Variants in CNTN4 observed in about 807,000 individuals in gnomAD.
The protein encoded by CNTN4 is contactin-4.
Under a neutral mutation model 122.5 loss-of-function variants are expected in CNTN4, and 77 were observed. The ratio of observed to expected loss-of-function variants is 0.63; its 90% CI spans 0.52 to 0.76. The LOEUF (loss-of-function observed/expected upper bound fraction) is 0.76. Among genes scored for constraint, CNTN4 ranks in the 30% least tolerant of loss-of-function variants. The pLI is 0.00. For missense variants in CNTN4, 1,256 were observed against 1,259.1 expected (o/e 1.00, Z 0.04); for synonymous variants, 512 against 447.0 (o/e 1.15, Z -1.83).
Position 3,042,402 on chromosome 3 carries a change from G to C in CNTN4, c.2491G>C (p.Gly831Arg), listed in dbSNP as rs1204433018. ...GGCCTCCCCACTGGAGAAGAATAGA[G>C]GACGAATACAAGGTTATGAGGTAGG... The part of the protein sequence containing the change: ...FWASPLEKNR[G>R]RIQGYEVKYW... Residue 831 changes from glycine to arginine, a missense_variant, in exon 21 of 25, where the codon GGA (glycine) becomes CGA (arginine). By Grantham distance (125) the Gly-to-Arg change is moderately radical. Coordinates refer to ENST00000418658, the MANE Select transcript of CNTN4 (RefSeq NM_175607.3). 1 of 1,612,220 alleles carries C rather than the reference G, an allele frequency of 6.2e-7. No individual in the cohort carries two copies. The highest frequency in any genetic ancestry group is 1.7e-5 in the Admixed American group (1 of 59,992).
chr3:2,425,270 G>C (rs996099671), intron 3 of CNTN4, among the ~76,000 whole-genome samples: 31 of 152,268 alleles, frequency 2.0e-4, no homozygotes, highest in African/African-American at 7.0e-4. Flanking sequence ...AAGGGATCCA[G>C]TTTCAGCTTT....
At chr3:2,343,955 A>G (rs1362442213) in intron 3 of CNTN4, among the ~76,000 whole-genome samples, 1 of 152,152 alleles carries the variant, frequency 6.6e-6, no homozygotes, top group Non-Finnish European at 1.5e-5. Context: ...GCATGCCACA[A>G]GGTCAGAGAG....
intron 2 of CNTN4, among the ~76,000 whole-genome samples, chr3:2,281,435 G>C (rs1414001980): frequency 6.6e-6 from 1 of 152,000 alleles, no homozygotes; most frequent in Non-Finnish European, 1.5e-5. Context: ...ATCTTCTGGA[G>C]CTAAGCACTG....
chr3:2,654,575 A>G (rs950460623), intron 4 of CNTN4, among the ~76,000 whole-genome samples: 2 of 152,184 alleles, frequency 1.3e-5, no homozygotes, highest in African/African-American at 4.8e-5. Context: ...AAATGGTGTT[A>G]TTCTTTCTCA....
intron 3 of CNTN4, among the ~76,000 whole-genome samples, chr3:2,495,277 C>T (rs115360018): frequency 2.1e-3 from 318 of 152,290 alleles, no homozygotes; most frequent in African/African-American, 7.2e-3. Context: ...TTCTAATTTC[C>T]CATAATACTT....
intron 2 of CNTN4, among the ~76,000 whole-genome samples, chr3:2,170,202 C>A (rs927101376): frequency 5.9e-5 from 9 of 151,366 alleles, no homozygotes; most frequent in Admixed American, 1.3e-4. Flanking sequence ...CGCCTGTAGT[C>A]CCAGCTACTC....
At chr3:2,160,061 T>G (rs1252641979) in intron 2 of CNTN4, among the ~76,000 whole-genome samples, 2 of 152,170 alleles carry the variant, frequency 1.3e-5, no homozygotes, top group African/African-American at 4.8e-5. Flanking sequence ...TGAGAGATAA[T>G]AGTCTAGTTA....
At chr3:2,821,467 A>G (rs1434434648) in intron 7 of CNTN4, among the ~76,000 whole-genome samples, 1 of 152,234 alleles carries the variant, frequency 6.6e-6, no homozygotes, top group Non-Finnish European at 1.5e-5. Flanking sequence ...GTCCATTTCA[A>G]TTTACCTTTA....
At chr3:2,532,560 A>G (rs2149242678) in intron 3 of CNTN4, among the ~76,000 whole-genome samples, 1 of 152,314 alleles carries the variant, frequency 6.6e-6, no homozygotes, top group Non-Finnish European at 1.5e-5. Context: ...TAACGAAGGA[A>G]ATATAGTTCT....
At chr3:2,782,532 A>G (rs1224145925) in intron 6 of CNTN4, among the ~76,000 whole-genome samples, 1 of 147,136 alleles carries the variant, frequency 6.8e-6, no homozygotes, top group African/African-American at 2.5e-5. Context: ...TGGGAAGGAA[A>G]CCACAGTTTC....
At chr3:2,426,989 C>T (rs1172472327) in intron 3 of CNTN4, among the ~76,000 whole-genome samples, 4 of 152,214 alleles carry the variant, frequency 2.6e-5, no homozygotes, top group African/African-American at 9.6e-5. Flanking sequence ...TGCTAGCGGT[C>T]TATCACTTCT....
At chr3:2,386,388 T>A (rs2046258919) in intron 3 of CNTN4, among the ~76,000 whole-genome samples, 1 of 152,190 alleles carries the variant, frequency 6.6e-6, no homozygotes, top group African/African-American at 2.4e-5. Flanking sequence ...TTTACTGTAA[T>A]CACTTCAGAC....
chr3:2,296,434 A>G (rs1488152664), intron 2 of CNTN4, among the ~76,000 whole-genome samples: 1 of 152,040 alleles, frequency 6.6e-6, no homozygotes, highest in Non-Finnish European at 1.5e-5. Flanking sequence ...ATTCTCTTTG[A>G]AGCAATTTAA....
At chr3:2,288,963 C>G (rs369181464) in intron 2 of CNTN4, among the ~76,000 whole-genome samples, 1 of 151,862 alleles carries the variant, frequency 6.6e-6, no homozygotes, top group Non-Finnish European at 1.5e-5. Flanking sequence ...AGATAGGTAG[C>G]GAAATTCAAG....
At chr3:2,533,648 C>T (rs896039759) in intron 3 of CNTN4, among the ~76,000 whole-genome samples, 4 of 152,122 alleles carry the variant, frequency 2.6e-5, no homozygotes, top group Non-Finnish European at 5.9e-5. Context: ...TGGGTATATA[C>T]CCAGTAATGG....
At position 2,727,095 on chromosome 3, in the gene CNTN4, A is replaced by G. The variant is rs756471487; in HGVS notation, c.56-9120A>G. ...GACAATGTCTGCTTTGCACACGGTT[A>G]TGTCGCCTCCATGTAATATTGGAAT... On this transcript the variant is annotated intron_variant, in intron 4 of 24. Transcript: ENST00000418658. 7.7e-4 allele frequency among the ~76,000 whole-genome samples: 117 copies of G among 152,318 alleles called. 1 individual carries two copies. The highest frequency in any genetic ancestry group is 1.4e-3 in the Non-Finnish European group (97 of 68,026).
At chr3:2,190,497 A>G (rs886970323) in intron 2 of CNTN4, among the ~76,000 whole-genome samples, 7 of 151,570 alleles carry the variant, frequency 4.6e-5, no homozygotes, top group East Asian at 3.9e-4. Context: ...AGCTGGAAAG[A>G]TTTCTCCTTT....
At position 2,314,774 on chromosome 3, in the gene CNTN4, C is replaced by T. The variant is rs150803514; in HGVS notation, c.-144-24404C>T. Among the ~76,000 whole-genome samples, 211 of 151,734 alleles carry T rather than the reference C, an allele frequency of 1.4e-3. 2 individuals carry two copies. The East Asian group carries it at 0.028, about 20-fold the overall frequency. ...TGAGAAAAAATTTGCAAATCTTAAACGGAAAAAAATTGCGATATCTCTAAA... is the reference window on the plus strand; with the variant it reads ...TGAGAAAAAATTTGCAAATCTTAAATGGAAAAAAATTGCGATATCTCTAAA... On this transcript the variant is annotated intron_variant, in intron 2 of 24. Coordinates refer to ENST00000418658, the MANE Select transcript of CNTN4 (RefSeq NM_175607.3).
chr3:2,730,393 G>T (rs73114556), intron 4 of CNTN4, among the ~76,000 whole-genome samples: 37,711 of 151,980 alleles, frequency 0.25, 6,204 homozygotes, highest in African/African-American at 0.46. Flanking sequence ...ATTTTTGGAT[G>T]AGGGATGCTC....
Sources: allele counts gnomAD v4.1 joint callset (sites outside exome capture counted in the v4.1 genomes callset), GRCh38; gene constraint gnomAD v4.1.1; transcripts MANE v1.5; gene names NCBI Gene and HGNC (gene_info 2026-07-23, HGNC 2026-07-21).